The following GALNT2 variants were observed in gnomAD, a reference collection of about 807,000 sequenced individuals.
GALNT2 encodes UDP-GalNAc:polypeptide N-acetylgalactosaminyltransferase 2.
A neutral mutation model predicts 81.4 loss-of-function variants in GALNT2; 31 were observed. That is an observed-to-expected ratio of 0.38 (90% confidence interval 0.29 to 0.51). The LOEUF (loss-of-function observed/expected upper bound fraction) is 0.51, where lower values mean the gene tolerates loss of function less well. GALNT2 is among the 20% of genes least tolerant of loss of function. The pLI, the probability that GALNT2 is intolerant of heterozygous loss-of-function variation, is 0.87. For missense variants in GALNT2, 629 were observed against 765.7 expected, an observed-to-expected ratio of 0.82 and a Z score of 2.11; for synonymous variants, 303 against 287.4, an observed-to-expected ratio of 1.05 and a Z score of -0.55.
At chr1:230,202,953 A>T (rs548055597) in intron 2 of GALNT2, among the ~76,000 whole-genome samples, 184 bp from the exon 3 acceptor site, 1 of 152,178 alleles carries the variant, frequency 6.6e-6, no homozygotes, top group Non-Finnish European at 1.5e-5. Context: ...GCAGTTTCCT[A>T]TTCTCTGGGT....
intron 1 of GALNT2, among the ~76,000 whole-genome samples, chr1:230,126,156 G>T (rs1661170130): frequency 6.6e-6 from 1 of 152,224 alleles, no homozygotes; most frequent in Admixed American, 6.5e-5. Context: ...GGGGGCAGGG[G>T]TGTGGGGGCA....
At chr1:230,209,755 A>C (rs1385620086) in intron 3 of GALNT2, among the ~76,000 whole-genome samples, 1 of 151,768 alleles carries the variant, frequency 6.6e-6, no homozygotes, top group Non-Finnish European at 1.5e-5. Context: ...AAGTGGGAGG[A>C]TGGCTTGAGC....
At chr1:230,086,986 G>A (rs981261416) in intron 1 of GALNT2, among the ~76,000 whole-genome samples, 1 of 152,172 alleles carries the variant, frequency 6.6e-6, no homozygotes, top group Non-Finnish European at 1.5e-5. Context: ...CTGTCACAAG[G>A]GTTCAACAAG....
intron 9 of GALNT2, among the ~76,000 whole-genome samples, chr1:230,250,151 A>G (rs776138790): frequency 2.6e-4 from 40 of 152,316 alleles, no homozygotes; most frequent in Admixed American, 1.0e-3. Context: ...TTCTTTGCCT[A>G]TGGCAGCATG....
At chr1:230,099,827 C>G (rs1299718204) in intron 1 of GALNT2, among the ~76,000 whole-genome samples, 1 of 152,206 alleles carries the variant, frequency 6.6e-6, no homozygotes, top group Non-Finnish European at 1.5e-5. Context: ...GTAGGAAGGG[C>G]CAGTCTTGTC....
chr1:230,118,682 G>T (rs1660921649), intron 1 of GALNT2, among the ~76,000 whole-genome samples: 1 of 151,954 alleles, frequency 6.6e-6, no homozygotes, highest in Non-Finnish European at 1.5e-5. Context: ...TACGGGGACT[G>T]GCTGTCGGTT....
rs1361833777 is a variant in GALNT2 at position 230,275,122 on chromosome 1, A to G, written c.1560+558A>G. Reference sequence around the variant, plus strand: ...GTATACACACCACATATATATACATATATATACACACCACATATACATATA... The same window carrying G: ...GTATACACACCACATATATATACATGTATATACACACCACATATACATATA... On this transcript the variant is annotated intron_variant, in intron 15 of 15. Transcript: ENST00000366672. This position sits in a 1 kb window ranked among gnomAD's most constrained non-coding sequence, Gnocchi z 5.5. Among the ~76,000 whole-genome samples the G allele has an allele frequency of 1.3e-5, 2 of 151,584 alleles. No homozygotes were observed. The highest frequency in any genetic ancestry group is 4.9e-5 in the African/African-American group (2 of 41,198).
intron 3 of GALNT2, among the ~76,000 whole-genome samples, chr1:230,205,606 C>G (rs1337858424): frequency 6.6e-6 from 1 of 152,144 alleles, no homozygotes; most frequent in Non-Finnish European, 1.5e-5. Context: ...GGGGTGACAA[C>G]CTGGGGTCCA....
In GALNT2 at chr1:230,079,635, T is replaced by C. The variant is rs1659668687; in HGVS notation, c.126+12229T>C. Among the ~76,000 whole-genome samples, 3 of 152,242 alleles carry C rather than the reference T, an allele frequency of 2.0e-5. No homozygotes were observed. The South Asian group carries it at 6.2e-4, about 31-fold the overall frequency. On this transcript the variant is annotated intron_variant, in intron 1 of 15. Transcript: ENST00000366672. ...CTGCAGCTTCAGGCTTGGAAGGTGCTGATTACTGGGGCTGGTGATCTACTA... is the reference window on the plus strand; with the variant it reads ...CTGCAGCTTCAGGCTTGGAAGGTGCCGATTACTGGGGCTGGTGATCTACTA...
At chr1:230,208,214 G>A (rs1164783008) in intron 3 of GALNT2, among the ~76,000 whole-genome samples, 1 of 152,128 alleles carries the variant, frequency 6.6e-6, no homozygotes, top group Non-Finnish European at 1.5e-5. Flanking sequence ...TTACTGTCCA[G>A]GCAGAAGGTA....
chr1:230,194,673 G>A (rs1425975944), intron 2 of GALNT2, among the ~76,000 whole-genome samples: 2 of 152,246 alleles, frequency 1.3e-5, no homozygotes, highest in East Asian at 3.8e-4. Context: ...GCTGCGAGGT[G>A]GCCAGGAGGG....
Position 230,249,221 on chromosome 1 carries a change from G to A in GALNT2, c.855G>A (p.Met285Ile). 1 of 1,614,192 alleles carries A rather than the reference G, an allele frequency of 6.2e-7. No homozygotes were observed. The highest frequency in any genetic ancestry group is 8.5e-7 in the Non-Finnish European group (1 of 1,180,026). Reference sequence around the variant, plus strand: ...ACTTGGTATTCAAGTGGGATTACATGACGCCTGAGCAGAGAAGGTCCCGGC... The same window carrying A: ...ACTTGGTATTCAAGTGGGATTACATAACGCCTGAGCAGAGAAGGTCCCGGC... The part of the protein sequence containing the change: ...DWNLVFKWDY[M>I]TPEQRRSRQG... Residue 285 changes from methionine (M) to isoleucine (I), a missense_variant, in exon 9 of 16, where the codon ATG becomes ATA. Physicochemically the swap from Met to Ile is conservative, Grantham distance 10 (BLOSUM62 1). Coordinates refer to ENST00000366672, the MANE Select transcript of GALNT2 (RefSeq NM_004481.5).
intron 1 of GALNT2, among the ~76,000 whole-genome samples, chr1:230,175,805 A>G (rs2102862287): frequency 6.6e-6 from 1 of 151,564 alleles, no homozygotes; most frequent in Non-Finnish European, 1.5e-5. Context: ...CCTCCTAGAA[A>G]TGTATTCTTG....
chr1:230,170,562 A>G (rs1417460177), intron 1 of GALNT2, among the ~76,000 whole-genome samples: 1 of 152,200 alleles, frequency 6.6e-6, no homozygotes, highest in Non-Finnish European at 1.5e-5. Flanking sequence ...CTAGCCTAGT[A>G]TATTGGTTTG....
intron 3 of GALNT2, among the ~76,000 whole-genome samples, chr1:230,207,339 C>T (rs57444598): frequency 0.11 from 16,504 of 151,976 alleles, 1,843 homozygotes; most frequent in East Asian, 0.57. Context: ...TGGAAAACTG[C>T]GATTATAATC....
chr1:230,233,965 C>T (rs1279769009), intron 3 of GALNT2, among the ~76,000 whole-genome samples: 3 of 151,812 alleles, frequency 2.0e-5, no homozygotes, highest in African/African-American at 4.8e-5. Context: ...CACAGGGTCT[C>T]GGGGAGGTGG....
chr1:230,255,979 G>A (rs1665699024), intron 11 of GALNT2, among the ~76,000 whole-genome samples: 1 of 152,114 alleles, frequency 6.6e-6, no homozygotes, highest in Admixed American at 6.5e-5. Context: ...TCAAGGTGCT[G>A]GTGTCTGGCG....
chr1:230,253,683 T>G (rs896872886), intron 10 of GALNT2, among the ~76,000 whole-genome samples: 4 of 152,210 alleles, frequency 2.6e-5, no homozygotes, highest in African/African-American at 9.7e-5. Context: ...GTTTTTGTGT[T>G]GGGAACATTC....
chr1:230,243,292 A>G lies in GALNT2; in HGVS notation c.608-14A>G. Reference sequence around the variant, plus strand: ...CTTCTCTCTCCTGACGTGCTTTCCAACTCGCCTCTGCAGGCCTCATGCGCT... The same window carrying G: ...CTTCTCTCTCCTGACGTGCTTTCCAGCTCGCCTCTGCAGGCCTCATGCGCT... On this transcript the variant is annotated splice_polypyrimidine_tract_variant and intron_variant, in intron 6 of 15. Coordinates refer to ENST00000366672, the MANE Select transcript of GALNT2 (RefSeq NM_004481.5). This position sits in a 1 kb window ranked among gnomAD's most constrained non-coding sequence, Gnocchi z 4.2. The G allele has an allele frequency of 3.1e-6, 5 of 1,588,620 alleles. No individual in the cohort carries two copies. The highest frequency in any genetic ancestry group is 3.4e-6 in the Non-Finnish European group (4 of 1,169,948).
Sources: allele counts gnomAD v4.1 joint callset (sites outside exome capture counted in the v4.1 genomes callset), GRCh38; gene constraint gnomAD v4.1.1; non-coding constraint Gnocchi (gnomAD v3.1); transcripts MANE v1.5; gene names NCBI Gene and HGNC (gene_info 2026-07-23, HGNC 2026-07-21).